The following AKAP6 variants were observed in gnomAD, a reference collection of about 807,000 sequenced individuals.
The protein encoded by AKAP6 is A-kinase anchor protein 6.
AKAP6 carries 58 observed loss-of-function variants against 188.5 expected under a neutral mutation model. The ratio of observed to expected loss-of-function variants is 0.31; its 90% confidence interval spans 0.25 to 0.38. AKAP6 has a LOEUF of 0.38. AKAP6 is among the 10% of genes least tolerant of loss of function. AKAP6 has a pLI of 1.00. For missense variants in AKAP6, 2,710 were observed against 2,740.0 expected (o/e 0.99, Z 0.24); for synonymous variants, 989 against 998.6 (o/e 0.99, Z 0.18).
intron 1 of AKAP6, among the ~76,000 whole-genome samples, chr14:32,347,398 T>A (rs1300726363): frequency 6.6e-6 from 1 of 152,172 alleles, no homozygotes; most frequent in Non-Finnish European, 1.5e-5. Context: ...TAGGAGTGAG[T>A]CCATCCCCTT....
chr14:32,778,809 A>G (rs1382006365), intron 12 of AKAP6, among the ~76,000 whole-genome samples: 1 of 151,184 alleles, frequency 6.6e-6, no homozygotes, highest in Non-Finnish European at 1.5e-5. Flanking sequence ...GGCCTCCCAC[A>G]GTGCTGGGAT....
intron 11 of AKAP6, among the ~76,000 whole-genome samples, chr14:32,773,127 T>C (rs2032949689): frequency 6.6e-6 from 1 of 152,210 alleles, no homozygotes; most frequent in Non-Finnish European, 1.5e-5. Context: ...ACATTATTGC[T>C]TTGTTAATCA....
chr14:32,656,567 G>A (rs1888464053), intron 7 of AKAP6, among the ~76,000 whole-genome samples: 1 of 152,198 alleles, frequency 6.6e-6, no homozygotes, highest in South Asian at 2.1e-4. Flanking sequence ...CCCACCAGCT[G>A]ATTCTGAAGC....
At chr14:32,826,574 A>C (rs1284600145) in intron 13 of AKAP6, among the ~76,000 whole-genome samples, 1 of 152,140 alleles carries the variant, frequency 6.6e-6, no homozygotes, top group East Asian at 1.9e-4. Context: ...TGTGACTGTG[A>C]CCCTCAAGTC....
intron 9 of AKAP6, among the ~76,000 whole-genome samples, chr14:32,696,597 T>C (rs1415712546): frequency 1.3e-5 from 2 of 152,130 alleles, no homozygotes; most frequent in Non-Finnish European, 1.5e-5. Flanking sequence ...AGAGCAGACG[T>C]TGTCATATTA....
At chr14:32,686,729 C>T (rs1335116576) in intron 8 of AKAP6, among the ~76,000 whole-genome samples, 1 of 152,134 alleles carries the variant, frequency 6.6e-6, no homozygotes, top group Non-Finnish European at 1.5e-5. Context: ...TAGTTTGATG[C>T]TGTTGAAGCA....
chr14:32,603,108 G>A (rs1437598726), intron 7 of AKAP6, among the ~76,000 whole-genome samples: 1 of 152,226 alleles, frequency 6.6e-6, no homozygotes. Context: ...TTGTCATTCT[G>A]TGAACAGGCC....
intron 1 of AKAP6, among the ~76,000 whole-genome samples, chr14:32,340,511 CT>C (rs1345606138): frequency 1.3e-5 from 2 of 152,100 alleles, no homozygotes; most frequent in East Asian, 3.9e-4. Context: ...TTCCTGATAG[CT>C]CTAGTATTTT....
In AKAP6 at chr14:32,836,915, TG is replaced by T. The variant is rs2034881163; in HGVS notation, c.*7112del. ...AGGAATTCAAAAAGCAAATGTAAAATGGAACAGAACTTGGCCTCAAAGTGAT... is the reference window on the plus strand; with the variant it reads ...AGGAATTCAAAAAGCAAATGTAAAATGAACAGAACTTGGCCTCAAAGTGAT... On this transcript the variant is annotated 3_prime_UTR_variant, in exon 14 of 14. Transcript: ENST00000280979. The T allele has an allele frequency of 6.6e-6, 1 of 152,138 alleles. No homozygotes were observed. The highest frequency in any genetic ancestry group is 2.4e-5 in the African/African-American group (1 of 41,422). 9.4% of individuals were successfully genotyped at this position (152,138 alleles called of 1,614,324 possible). A position where few individuals can be genotyped will look rare whatever the true frequency, so the allele number is the denominator to read the frequency against.
chr14:32,407,642 A>G (rs1889341164), intron 1 of AKAP6, among the ~76,000 whole-genome samples: 1 of 152,120 alleles, frequency 6.6e-6, no homozygotes, highest in African/African-American at 2.4e-5. Context: ...TTCCTGATCT[A>G]TCTCTCCTTC....
intron 1 of AKAP6, among the ~76,000 whole-genome samples, chr14:32,368,878 AG>A (rs201697397): frequency 0.085 from 12,653 of 148,452 alleles, 594 homozygotes; most frequent in African/African-American, 0.12. Context: ...ATTAAGAAGA[AG>A]AAAAAAAAAA....
At chr14:32,352,091 G>GTGTGTGTGTGTT (rs1301279029) in intron 1 of AKAP6, among the ~76,000 whole-genome samples, 2 of 99,198 alleles carry the variant, frequency 2.0e-5, no homozygotes, top group Non-Finnish European at 2.0e-5. Context: ...GTGTGTGTGT[G>GTGTGTGTGTGTT]TGTGTGTGTG....
intron 7 of AKAP6, among the ~76,000 whole-genome samples, chr14:32,602,595 A>G (rs1212714684): frequency 6.6e-6 from 1 of 152,334 alleles, no homozygotes; most frequent in Middle Eastern, 3.4e-3. Context: ...ACTTTAAAAA[A>G]GCTTCATTGT....
intron 2 of AKAP6, among the ~76,000 whole-genome samples, chr14:32,492,355 T>TATATAGAGAGAGAAAGAGAGAG: frequency 1.2e-5 from 1 of 82,586 alleles, no homozygotes; most frequent in Admixed American, 1.9e-4. Flanking sequence ...TATATATATA[T>TATATAGAGAGAGAAAGAGAGAG]AGAGAGAGAG....
At chr14:32,476,116 G>A (rs965464710) in intron 2 of AKAP6, among the ~76,000 whole-genome samples, 2 of 143,172 alleles carry the variant, frequency 1.4e-5, no homozygotes, top group Non-Finnish European at 1.6e-5. Context: ...ACAATATATT[G>A]TTCTTAAACA....
chr14:32,443,012 C>T (rs955586389), intron 2 of AKAP6, among the ~76,000 whole-genome samples: 11 of 144,072 alleles, frequency 7.6e-5, no homozygotes, highest in African/African-American at 2.7e-4. Context: ...TAAATGTTAA[C>T]AAATCAATTG....
chr14:32,783,954 T>C (rs895356844), intron 12 of AKAP6, among the ~76,000 whole-genome samples: 2 of 152,188 alleles, frequency 1.3e-5, no homozygotes, highest in Non-Finnish European at 2.9e-5. Context: ...CTTTCATAAA[T>C]ACAAATTAAG....
intron 8 of AKAP6, among the ~76,000 whole-genome samples, chr14:32,684,361 C>T (rs760476187): frequency 1.3e-5 from 2 of 152,068 alleles, no homozygotes; most frequent in Non-Finnish European, 2.9e-5. Context: ...CTGTAATATG[C>T]AAGAATTACA....
chr14:32,353,910 A>T (rs2138458855), intron 1 of AKAP6, among the ~76,000 whole-genome samples: 1 of 152,278 alleles, frequency 6.6e-6, no homozygotes, highest in East Asian at 1.9e-4. Flanking sequence ...AGGGATGTGA[A>T]GGACCTCTTC....
Sources: gnomAD v4.1 joint callset for allele counts (sites outside exome capture counted in the v4.1 genomes callset) on GRCh38, gnomAD v4.1.1 for gene constraint, MANE v1.5 for transcripts, NCBI Gene and HGNC (gene_info 2026-07-23, HGNC 2026-07-21) for gene names.